Variants in INPP4A observed in about 807,000 individuals in gnomAD.
INPP4A encodes the protein inositol polyphosphate-4-phosphatase type I A, also known as inositol polyphosphate-4-phosphatase, type I, 107kD.
In INPP4A, 33 loss-of-function variants were observed where a neutral mutation model predicts 119.8. The ratio of observed to expected loss-of-function variants is 0.28; its 90% CI spans 0.21 to 0.37. The LOEUF (loss-of-function observed/expected upper bound fraction) is 0.37. Ranked by LOEUF, INPP4A falls within the 10% of genes least tolerant of loss-of-function variation. INPP4A has a pLI of 1.00. For missense variants in INPP4A, 956 were observed against 1,289.9 expected (o/e 0.74, Z 3.97); for synonymous variants, 496 against 500.7 (o/e 0.99, Z 0.12).
intron 22 of INPP4A, among the ~76,000 whole-genome samples, chr2:98,572,316 C>G (rs916657615): frequency 1.3e-5 from 2 of 152,244 alleles, no homozygotes; most frequent in African/African-American, 4.8e-5. Flanking sequence ...GGAGCAGGGG[C>G]TTCTCTGGGT....
intron 4 of INPP4A, among the ~76,000 whole-genome samples, chr2:98,532,565 C>T (rs954307970): frequency 3.3e-5 from 5 of 152,148 alleles, no homozygotes; most frequent in Non-Finnish European, 7.4e-5. Flanking sequence ...ATAGAGTGTA[C>T]TAACAGGATC....
At chr2:98,543,095 A>G (rs774656405) in intron 10 of INPP4A, among the ~76,000 whole-genome samples, 48 of 151,768 alleles carry the variant, frequency 3.2e-4, no homozygotes, top group Admixed American at 5.2e-4. Flanking sequence ...AATTTTTTGT[A>G]TTTTTTAGTA....
intron 13 of INPP4A, chr2:98,549,070 G>T: frequency 1.9e-6 from 2 of 1,067,352 alleles, no homozygotes; most frequent in East Asian, 2.4e-5. Context: ...CTTCCCCTGC[G>T]GTGCTGCCAT....
rs958314 is a variant in INPP4A, at chr2:98,562,254, C to A, written c.1856-1211C>A. On this transcript the variant is annotated intron_variant, in intron 17 of 24. Coordinates refer to ENST00000409851, the MANE Select transcript of INPP4A (RefSeq NM_001134225.2). ...GCATGTACAATTAGGCCACCTCCAA[C>A]TTTTGAGCTGCTACATATACTTAAA... is the stretch of plus-strand genomic sequence containing the variant. Among the ~76,000 whole-genome samples the A allele has an allele frequency of 4.0e-3, 614 of 152,334 alleles. 35 individuals carry two copies. In the East Asian group the frequency reaches 0.11, roughly 26 times the overall value.
chr2:98,508,065 A>T (rs1574819277), intron 1 of INPP4A, among the ~76,000 whole-genome samples: 2 of 152,166 alleles, frequency 1.3e-5, no homozygotes, highest in Non-Finnish European at 2.9e-5. Flanking sequence ...TGGGCCGCCC[A>T]CTTTGCATTC....
intron 10 of INPP4A, among the ~76,000 whole-genome samples, chr2:98,542,292 A>G (rs1229926398): frequency 6.6e-6 from 1 of 152,240 alleles, no homozygotes; most frequent in African/African-American, 2.4e-5. Flanking sequence ...GTCCTTTTAT[A>G]TTAATTTTGC....
intron 1 of INPP4A, among the ~76,000 whole-genome samples, chr2:98,491,090 C>T (rs1367112433): frequency 6.6e-6 from 1 of 152,188 alleles, no homozygotes; most frequent in Admixed American, 6.5e-5. Context: ...ACAAGTTCTG[C>T]CTATGTCGGC....
chr2:98,460,676 G>C (rs950209359), intron 1 of INPP4A, among the ~76,000 whole-genome samples: 4 of 152,134 alleles, frequency 2.6e-5, no homozygotes, highest in Admixed American at 6.5e-5. Context: ...CCTTGTCTCC[G>C]CTCTGTGTTG....
intron 4 of INPP4A, among the ~76,000 whole-genome samples, chr2:98,523,464 G>A (rs564507666): frequency 2.7e-5 from 4 of 150,400 alleles, no homozygotes; most frequent in South Asian, 2.1e-4. Flanking sequence ...GCACAATCTC[G>A]GCTCACTGCA....
rs974817283 is a variant in INPP4A at position 98,562,116 on chromosome 2, T to G, written c.1856-1349T>G. Among the ~76,000 whole-genome samples the G allele has an allele frequency of 2.6e-5, 4 of 152,324 alleles. No homozygotes were observed. The East Asian group carries it at 7.7e-4, about 29-fold the overall frequency. On this transcript the variant is annotated intron_variant, in intron 17 of 24. Transcript: ENST00000409851. ...ACATTTTCCACCTCTCAGTTCAGTG[T>G]CCTTCGTCACCATGATTCATTTGCT...
intron 16 of INPP4A, among the ~76,000 whole-genome samples, chr2:98,557,341 A>AT (rs1694675232): frequency 6.6e-6 from 1 of 152,252 alleles, no homozygotes; most frequent in Middle Eastern, 3.2e-3. Flanking sequence ...ATGAAACCAT[A>AT]TGCCACCAAA....
At chr2:98,466,569 G>C (rs551033462) in intron 1 of INPP4A, among the ~76,000 whole-genome samples, 1 of 152,366 alleles carries the variant, frequency 6.6e-6, no homozygotes, top group South Asian at 2.1e-4. Context: ...TTACCCGTGA[G>C]AGAATTGCGG....
In INPP4A at chr2:98,535,725, C is replaced by G; in HGVS notation, c.271-4C>G. The G allele has an allele frequency of 7.2e-7, 1 of 1,384,500 alleles. No homozygotes were observed. Among genetic ancestry groups the G allele is most frequent in the Non-Finnish European group, 1.0e-6 (1 of 986,780 alleles). 85.8% of individuals were successfully genotyped at this position (1,384,500 alleles called of 1,614,324 possible). A position where few individuals can be genotyped will look rare whatever the true frequency, so the allele number is the denominator to read the frequency against. ...TGTTCTGATTATTTCCTTTTCTGTT[C>G]TAGGGAACCAACAATCCTATATTTC... On this transcript the variant is annotated splice_region_variant and splice_polypyrimidine_tract_variant and intron_variant, in intron 5 of 24. Transcript: ENST00000409851.
At position 98,589,188 on chromosome 2, in the gene INPP4A, C is replaced by CT. The variant is rs1375209941; in HGVS notation, c.*1581dup. 1 of 179,198 alleles carries CT rather than the reference C, an allele frequency of 5.6e-6. No homozygotes were observed. The highest frequency in any genetic ancestry group is 2.4e-5 in the African/African-American group (1 of 42,334). The allele number at this position is 179,198 out of a possible 1,614,324, so 11.1% of individuals were successfully genotyped here. Reference sequence around the variant, plus strand: ...GAAGCTCTCTGCTGCTCCCTCAAAGCTGAGTTCACTGTGGCAGGCAGGAAG... The same window carrying CT: ...GAAGCTCTCTGCTGCTCCCTCAAAGCTTGAGTTCACTGTGGCAGGCAGGAAG... On this transcript the variant is annotated 3_prime_UTR_variant, in exon 25 of 25. Coordinates refer to ENST00000409851, the MANE Select transcript of INPP4A (RefSeq NM_001134225.2).
rs201126376 is a variant in INPP4A at position 98,501,528 on chromosome 2, AC to A, written c.-165-17429del. ...TGTACACAGAATGTTGAGGTCAAGA[AC>A]CCCCCCAGCCCCCCATTCTCTGAAC... On this transcript the variant is annotated intron_variant, in intron 1 of 24. Transcript: ENST00000409851. Among the ~76,000 whole-genome samples the A allele has an allele frequency of 5.2e-3, 794 of 151,412 alleles. 12 individuals are homozygous for A. Among genetic ancestry groups the A allele is most frequent in the African/African-American group, 0.018 (737 of 41,032 alleles).
chr2:98,510,108 G>A (rs901683214), intron 1 of INPP4A, among the ~76,000 whole-genome samples: 2 of 152,256 alleles, frequency 1.3e-5, no homozygotes, highest in Non-Finnish European at 2.9e-5. Flanking sequence ...AGACTGTGAG[G>A]ACTGTGGGAG....
intron 1 of INPP4A, among the ~76,000 whole-genome samples, chr2:98,462,038 C>T (rs1161811510): frequency 2.6e-5 from 4 of 152,178 alleles, no homozygotes; most frequent in East Asian, 1.9e-4. Flanking sequence ...TGGGGTTAGA[C>T]GACGTGTTTA....
Position 98,569,403 on chromosome 2 carries a change from G to A in INPP4A, c.2518+735G>A, listed in dbSNP as rs755568805. On this transcript the variant is annotated intron_variant, in intron 22 of 24. Transcript: ENST00000409851. The surrounding 1 kb of genome is among the most constrained non-coding windows in gnomAD (Gnocchi z 5.1). ...TGCCACAGCCACTAGGGGGCGCCAC[G>A]CGTCAGAAGGTATCATCCCCTCTGT... 4.6e-5 allele frequency: 7 copies of A among 152,390 alleles called. No individual in the cohort carries two copies. Among genetic ancestry groups the A allele is most frequent in the Non-Finnish European group, 7.3e-5 (5 of 68,096 alleles). 9.4% of individuals were successfully genotyped at this position (152,390 alleles called of 1,614,324 possible). A position where few individuals can be genotyped will look rare whatever the true frequency, so the allele number is the denominator to read the frequency against.
chr2:98,478,985 A>G (rs139259890), intron 1 of INPP4A, among the ~76,000 whole-genome samples: 103 of 152,304 alleles, frequency 6.8e-4, no homozygotes, highest in African/African-American at 2.3e-3. Flanking sequence ...CCTAGCAGTC[A>G]CCTAGAAGAC....
Sources: gnomAD v4.1 joint callset for allele counts (sites outside exome capture counted in the v4.1 genomes callset) on GRCh38, gnomAD v4.1.1 for gene constraint, Gnocchi (gnomAD v3.1) non-coding constraint, MANE v1.5 for transcripts, NCBI Gene and HGNC (gene_info 2026-07-23, HGNC 2026-07-21) for gene names.